SH3RF1: variants seen among roughly 807,000 people sequenced by gnomAD.
SH3RF1 encodes E3 ubiquitin-protein ligase SH3RF1.
SH3RF1 carries 32 observed loss-of-function variants against 74.0 expected under a neutral mutation model. The observed-to-expected ratio is 0.43, with a 90% CI of 0.33 to 0.58. SH3RF1 has a LOEUF of 0.58. SH3RF1 is among the 20% of genes least tolerant of loss of function. The pLI is 0.05. For missense variants in SH3RF1, 954 were observed against 1,130.9 expected (o/e 0.84, Z 2.24); for synonymous variants, 396 against 439.6 (o/e 0.90, Z 1.24).
chr4:169,158,693 A>G (rs538267937), intron 2 of SH3RF1, among the ~76,000 whole-genome samples: 9 of 152,204 alleles, frequency 5.9e-5, no homozygotes, highest in Non-Finnish European at 1.2e-4. Context: ...AATATTTCCA[A>G]TGAAGTAGAG....
chr4:169,189,106 G>C (rs1216218568), intron 2 of SH3RF1, among the ~76,000 whole-genome samples: 1 of 152,208 alleles, frequency 6.6e-6, no homozygotes, highest in Non-Finnish European at 1.5e-5. Context: ...ATTCTTGTCA[G>C]TTCAAGTAGA....
intron 2 of SH3RF1, among the ~76,000 whole-genome samples, chr4:169,194,525 T>C (rs1056137695): frequency 1.3e-5 from 2 of 152,220 alleles, no homozygotes; most frequent in African/African-American, 4.8e-5. Context: ...TTGTGAAATT[T>C]ATCCATATGA....
chr4:169,262,976 T>C (rs1404261435), intron 2 of SH3RF1, among the ~76,000 whole-genome samples: 1 of 151,992 alleles, frequency 6.6e-6, no homozygotes, highest in African/African-American at 2.4e-5. Context: ...GCAACAAACA[T>C]GGTTTAGCCA....
At chr4:169,194,110 G>C (rs886120261) in intron 2 of SH3RF1, among the ~76,000 whole-genome samples, 11 of 152,076 alleles carry the variant, frequency 7.2e-5, no homozygotes, top group African/African-American at 2.7e-4. Context: ...CAGAGACAGA[G>C]ACACATACTC....
chr4:169,143,028 T>C (rs1483609284), intron 4 of SH3RF1, among the ~76,000 whole-genome samples: 3 of 152,198 alleles, frequency 2.0e-5, no homozygotes, highest in Admixed American at 6.5e-5. Flanking sequence ...AAGAGTCTTT[T>C]AAAATTGATA....
At chr4:169,255,618 CACAT>C (rs1219654619) in intron 2 of SH3RF1, among the ~76,000 whole-genome samples, 6 of 132,896 alleles carry the variant, frequency 4.5e-5, no homozygotes, top group Non-Finnish European at 6.3e-5. Context: ...CATACATACA[CACAT>C]ACACACACAC....
chr4:169,171,468 A>G (rs1196170320), intron 2 of SH3RF1, among the ~76,000 whole-genome samples: 2 of 152,218 alleles, frequency 1.3e-5, no homozygotes, highest in East Asian at 1.9e-4. Flanking sequence ...CAAAACTCCA[A>G]AGATAAGTGA....
intron 2 of SH3RF1, among the ~76,000 whole-genome samples, chr4:169,211,887 A>G (rs1323725582): frequency 6.6e-6 from 1 of 152,162 alleles, no homozygotes; most frequent in African/African-American, 2.4e-5. Flanking sequence ...GGGGCTTTTC[A>G]ATGTAATGAA....
intron 2 of SH3RF1, among the ~76,000 whole-genome samples, chr4:169,221,370 T>A (rs921331731): frequency 1.3e-5 from 2 of 152,192 alleles, no homozygotes. Context: ...CTGAGTCCTC[T>A]TCCAGATGAC....
intron 2 of SH3RF1, among the ~76,000 whole-genome samples, chr4:169,238,150 C>T (rs113306660): frequency 0.03 from 4,566 of 152,284 alleles, 95 homozygotes; most frequent in Non-Finnish European, 0.05. Flanking sequence ...TACTCTAATG[C>T]AATATAGTCT....
At chr4:169,168,606 T>TCATG (rs1734281659) in intron 2 of SH3RF1, among the ~76,000 whole-genome samples, 1 of 152,220 alleles carries the variant, frequency 6.6e-6, no homozygotes, top group Admixed American at 6.5e-5. Flanking sequence ...AGGCTTAAAC[T>TCATG]CATGCATGCA....
At chr4:169,231,043 A>G (rs758866007) in intron 2 of SH3RF1, among the ~76,000 whole-genome samples, 1 of 152,180 alleles carries the variant, frequency 6.6e-6, no homozygotes, top group African/African-American at 2.4e-5. Context: ...GGGCATAGGA[A>G]GGCTACTTAC....
chr4:169,158,726 A>G (rs1169332342), intron 2 of SH3RF1, among the ~76,000 whole-genome samples: 2 of 152,200 alleles, frequency 1.3e-5, no homozygotes, highest in Non-Finnish European at 2.9e-5. Flanking sequence ...CATTACTTAT[A>G]TCATTGTCTG....
chr4:169,177,730 T>A (rs1734444086), intron 2 of SH3RF1, among the ~76,000 whole-genome samples: 1 of 152,172 alleles, frequency 6.6e-6, no homozygotes, highest in South Asian at 2.1e-4. Flanking sequence ...TCAAGTTGCT[T>A]ACATATATGT....
At chr4:169,136,729 A>G in intron 4 of SH3RF1, 109 bp from the exon 5 acceptor site, 2 of 1,205,338 alleles carry the variant, frequency 1.7e-6, no homozygotes, top group South Asian at 4.0e-5. Context: ...CACTACTTTA[A>G]AGTTTGCCTA....
At chr4:169,129,935 C>A (rs1733584957) in intron 6 of SH3RF1, 111 bp downstream of exon 6, 3 of 790,568 alleles carry the variant, frequency 3.8e-6, no homozygotes, top group Non-Finnish European at 6.2e-6. Context: ...TAGATACCCA[C>A]CTCACCTAAC....
At chr4:169,244,698 T>C (rs1579159898) in intron 2 of SH3RF1, among the ~76,000 whole-genome samples, 1 of 139,238 alleles carries the variant, frequency 7.2e-6, no homozygotes, top group South Asian at 2.1e-4. Flanking sequence ...AAGTAACACA[T>C]GACAGAATTT....
intron 4 of SH3RF1, among the ~76,000 whole-genome samples, chr4:169,138,801 C>A (rs925687030): frequency 1.3e-5 from 2 of 152,144 alleles, no homozygotes. Context: ...TTCAGGTTTC[C>A]ATATGCTGTG....
intron 2 of SH3RF1, among the ~76,000 whole-genome samples, chr4:169,196,252 CT>C (rs965050449): frequency 6.6e-6 from 1 of 152,194 alleles, no homozygotes; most frequent in African/African-American, 2.4e-5. Flanking sequence ...TAAGTCCTCA[CT>C]TAACATCATC....
Sources: gnomAD v4.1 joint callset for allele counts (sites outside exome capture counted in the v4.1 genomes callset) on GRCh38, gnomAD v4.1.1 for gene constraint, MANE v1.5 for transcripts, NCBI Gene and HGNC (gene_info 2026-07-23, HGNC 2026-07-21) for gene names.